Variants in CDYL observed in about 807,000 individuals in gnomAD.
CDYL encodes chromodomain Y-like protein.
CDYL carries 8 observed loss-of-function variants against 47.3 expected under a neutral mutation model. That is an observed-to-expected ratio of 0.17 (90% CI 0.10 to 0.31). The LOEUF (loss-of-function observed/expected upper bound fraction) is 0.31. Ranked by LOEUF, CDYL falls within the 10% of genes least tolerant of loss-of-function variation. CDYL has a pLI of 1.00. For synonymous variants in CDYL, 266 were observed against 265.0 expected, an observed-to-expected ratio of 1.00 and a Z score of -0.04; for missense variants, 471 against 701.4, an observed-to-expected ratio of 0.67 and a Z score of 3.71.
exon 3 of CDYL, chr6:4,734,802 G>A (rs780133001): frequency 3.7e-6 from 6 of 1,614,120 alleles, no homozygotes; most frequent in South Asian, 1.1e-5. Flanking sequence ...GCATCTCCGT[G>A]AGCAGTGAGC....
chr6:4,764,493 G>A (rs1010871276), intron 3 of CDYL, among the ~76,000 whole-genome samples: 1 of 152,156 alleles, frequency 6.6e-6, no homozygotes, highest in South Asian at 2.1e-4. Context: ...TGTCACCATG[G>A]TGGTCAGGCT....
At chr6:4,767,203 G>A (rs895798696) in intron 3 of CDYL, among the ~76,000 whole-genome samples, 29 of 151,618 alleles carry the variant, frequency 1.9e-4, no homozygotes, top group African/African-American at 7.0e-4. Context: ...ACAAAATGAA[G>A]GAATAAAATC....
chr6:4,845,251 C>T (rs1581207488), intron 1 of CDYL, among the ~76,000 whole-genome samples: 1 of 152,140 alleles, frequency 6.6e-6, no homozygotes, highest in Non-Finnish European at 1.5e-5. Context: ...AAATTTCCAG[C>T]TGATTTTGAA....
At chr6:4,953,531 T>G (rs1289257274) in intron 6 of CDYL, among the ~76,000 whole-genome samples, 1 of 152,212 alleles carries the variant, frequency 6.6e-6, no homozygotes, top group Non-Finnish European at 1.5e-5. Flanking sequence ...AATTACATTT[T>G]GTTTAGAAAA....
At chr6:4,745,955 G>A (rs1362889338) in intron 3 of CDYL, among the ~76,000 whole-genome samples, 2 of 152,168 alleles carry the variant, frequency 1.3e-5, no homozygotes, top group African/African-American at 4.8e-5. Flanking sequence ...CCATGGGTAG[G>A]GGTGTGACAG....
At chr6:4,919,881 G>A (rs1185546395) in intron 2 of CDYL, among the ~76,000 whole-genome samples, 2 of 152,100 alleles carry the variant, frequency 1.3e-5, no homozygotes, top group Admixed American at 1.3e-4. Context: ...AGAATTGAAA[G>A]CCGGGTGGTG....
chr6:4,829,043 T>C (rs900112860), intron 1 of CDYL, among the ~76,000 whole-genome samples: 1 of 152,220 alleles, frequency 6.6e-6, no homozygotes, highest in African/African-American at 2.4e-5. Flanking sequence ...TTTTTGAGCT[T>C]ATTTAAGACA....
At chr6:4,767,069 A>G (rs937505990) in intron 3 of CDYL, among the ~76,000 whole-genome samples, 2 of 152,204 alleles carry the variant, frequency 1.3e-5, no homozygotes, top group African/African-American at 4.8e-5. Flanking sequence ...TCAAAATCCT[A>G]AACATATTAT....
At chr6:4,952,211 T>A in intron 5 of CDYL, 55 bp from the exon 6 acceptor site, 7 of 1,580,572 alleles carry the variant, frequency 4.4e-6, no homozygotes, top group Non-Finnish European at 6.0e-6. Context: ...GGGATGGGTC[T>A]TCCCCGCCCG....
chr6:4,907,337 C>G lies in CDYL; in HGVS notation c.691+14958C>G, dbSNP rs1581254704. 3.3e-5 allele frequency among the ~76,000 whole-genome samples: 5 copies of G among 152,282 alleles called. No homozygotes were observed. The South Asian group carries it at 1.0e-3, about 32-fold the overall frequency. ...CTGTCAGAGTTTTGCTCTAATACAGCTTTTTTGTGGGTTTTTGTGTGTTTT... is the reference window on the plus strand; with the variant it reads ...CTGTCAGAGTTTTGCTCTAATACAGGTTTTTTGTGGGTTTTTGTGTGTTTT... On this transcript the variant is annotated intron_variant, in intron 2 of 6. Coordinates refer to ENST00000397588, the MANE Select transcript of CDYL (RefSeq NM_004824.4).
At chr6:4,772,437 A>G (rs1417886921), upstream of CDYL, among the ~76,000 whole-genome samples, 1 of 152,204 alleles carries the variant, frequency 6.6e-6, no homozygotes, top group Non-Finnish European at 1.5e-5. Context: ...TTATTGGTTG[A>G]CCAGAAAAAG....
At chr6:4,914,203 TTC>T (rs1311630964) in intron 2 of CDYL, among the ~76,000 whole-genome samples, 2 of 69,460 alleles carry the variant, frequency 2.9e-5, no homozygotes, top group Non-Finnish European at 6.1e-5. Flanking sequence ...AGTGAAAGAG[TTC>T]TTTTTTTTTT....
intron 1 of CDYL, among the ~76,000 whole-genome samples, chr6:4,785,507 G>A (rs988464765): frequency 3.3e-5 from 5 of 152,122 alleles, no homozygotes; most frequent in African/African-American, 1.2e-4. Context: ...AAATGTATCC[G>A]TTTTTCACTT....
intron 1 of CDYL, among the ~76,000 whole-genome samples, chr6:4,884,177 A>G (rs773188612): frequency 6.4e-4 from 98 of 152,334 alleles, no homozygotes; most frequent in Non-Finnish European, 6.0e-4. Flanking sequence ...AATTGCTAAC[A>G]CATCTTGTAT....
chr6:4,845,758 C>A (rs1760636265), intron 1 of CDYL, among the ~76,000 whole-genome samples: 1 of 152,136 alleles, frequency 6.6e-6, no homozygotes, highest in South Asian at 2.1e-4. Context: ...TCATATATCA[C>A]AAAGCATCAA....
chr6:4,919,830 A>G (rs1757660417), intron 2 of CDYL, among the ~76,000 whole-genome samples: 1 of 152,236 alleles, frequency 6.6e-6, no homozygotes, highest in African/African-American at 2.4e-5. Context: ...AATTAAAATG[A>G]CCACATGATG....
chr6:4,712,377 G>A (rs773699303), intron 1 of CDYL, among the ~76,000 whole-genome samples: 1 of 152,230 alleles, frequency 6.6e-6, no homozygotes, highest in Non-Finnish European at 1.5e-5. Flanking sequence ...CAAGGCTGTT[G>A]CCAAGGTCCC....
rs555242380 is a variant in CDYL at position 4,753,076 on chromosome 6, C to T, written c.186+18232C>T. ...GGGACCACAGGTGTGCACCACCATGCCCGGCTAATCCTTCTGGTAGAGACG... is the reference window on the plus strand; with the variant it reads ...GGGACCACAGGTGTGCACCACCATGTCCGGCTAATCCTTCTGGTAGAGACG... On this transcript the variant is annotated intron_variant, in intron 3 of 8. Transcript: ENST00000328908. Among the ~76,000 whole-genome samples, 8 of 152,188 alleles carry T rather than the reference C, an allele frequency of 5.3e-5. 1 individual carries two copies. Among genetic ancestry groups the T allele is most frequent in the African/African-American group, 1.7e-4 (7 of 41,526 alleles).
chr6:4,845,291 C>CCAAAA (rs982305533), intron 1 of CDYL, among the ~76,000 whole-genome samples: 23 of 152,214 alleles, frequency 1.5e-4, no homozygotes, highest in African/African-American at 2.6e-4. Context: ...AGAGGTCTCA[C>CCAAAA]CAAAACAAAA....
Sources: gnomAD v4.1 joint callset for allele counts (sites outside exome capture counted in the v4.1 genomes callset) on GRCh38, gnomAD v4.1.1 for gene constraint, MANE v1.5 for transcripts, NCBI Gene and HGNC (gene_info 2026-07-23, HGNC 2026-07-21) for gene names.